Variants in DRC7 observed in about 807,000 individuals in gnomAD.
DRC7 encodes the protein dynein regulatory complex subunit 7.
In DRC7, 80 loss-of-function variants were observed where a neutral mutation model predicts 104.4. The ratio of observed to expected loss-of-function variants is 0.77; its 90% CI spans 0.64 to 0.92. DRC7 has a LOEUF of 0.92. Ranked by LOEUF, DRC7 falls within the 40% of genes least tolerant of loss-of-function variation. The probability of loss-of-function intolerance (pLI) is 0.00; values close to 1 mark genes in which losing one functional copy is unlikely to be tolerated. For synonymous variants in DRC7, 405 were observed against 447.3 expected (o/e 0.91, Z 1.19); for missense variants, 1,034 against 1,141.1 (o/e 0.91, Z 1.35).
In DRC7 at chr16:57,697,914, G is replaced by C. The variant is rs1308668933; in HGVS notation, c.-36G>C. 11 of 1,600,614 alleles carry C rather than the reference G, an allele frequency of 6.9e-6. No homozygotes were observed. The highest frequency in any genetic ancestry group is 9.4e-6 in the Non-Finnish European group (11 of 1,173,312). On this transcript the variant is annotated splice_region_variant and 5_prime_UTR_variant, in exon 3 of 19. Transcript: ENST00000360716. ...GAGTATACTTACCCTTCCCCACAGAGACATTCCATCTCCAGACACCCAGAG... is the reference window on the plus strand; with the variant it reads ...GAGTATACTTACCCTTCCCCACAGACACATTCCATCTCCAGACACCCAGAG...
chr16:57,705,410 AATCC>A (rs1280801620), intron 7 of DRC7, among the ~76,000 whole-genome samples: 5 of 108,150 alleles, frequency 4.6e-5, no homozygotes, highest in Admixed American at 2.7e-4. Context: ...CCCATTCGCC[AATCC>A]ATCCATCCAT....
chr16:57,722,008 G>T (rs1779679880), intron 10 of DRC7, among the ~76,000 whole-genome samples: 2 of 152,188 alleles, frequency 1.3e-5, no homozygotes, highest in African/African-American at 4.8e-5. Context: ...GTAGGTGACA[G>T]CAAGGCCTGG....
chr16:57,724,913 T>A, intron 13 of DRC7, 78 bp downstream of exon 13: 1 of 1,199,652 alleles, frequency 8.3e-7, no homozygotes, highest in Non-Finnish European at 1.2e-6. Context: ...GTGAGAGCCC[T>A]GGCTCTGGGG....
At position 57,731,017 on chromosome 16, in the gene DRC7, T is replaced by G; in HGVS notation, c.2478T>G (p.Ser826Arg). ...LTPEDEDLYLSYCSQAMFRIR... is the reference protein window; with the variant it reads ...LTPEDEDLYLRYCSQAMFRIR... Reference sequence around the variant, plus strand: ...CCGAGGATGAAGACCTGTACCTGAGTTACTGCTCTCAGGCCATGTTCCGCA... The same window carrying G: ...CCGAGGATGAAGACCTGTACCTGAGGTACTGCTCTCAGGCCATGTTCCGCA... The change falls in exon 18 of 19, where the codon AGT (serine) becomes AGG (arginine). Residue 826 changes from serine (S) to arginine (R), a missense_variant. Ser to Arg is a moderately radical substitution (Grantham distance 110). Transcript: ENST00000360716. The G allele has an allele frequency of 6.2e-7, 1 of 1,613,596 alleles. No individual in the cohort carries two copies. The highest frequency in any genetic ancestry group is 8.5e-7 in the Non-Finnish European group (1 of 1,179,936).
intron 7 of DRC7, 124 bp downstream of exon 7, chr16:57,705,158 A>G (rs2048699053): frequency 9.0e-7 from 1 of 1,108,152 alleles, no homozygotes; most frequent in Admixed American, 2.8e-5. Context: ...CCACCTCACA[A>G]TCACCCCCAA....
chr16:57,705,057 C>T, intron 7 of DRC7, 23 bp downstream of exon 7: 1 of 1,607,336 alleles, frequency 6.2e-7, no homozygotes, highest in Non-Finnish European at 8.5e-7. Context: ...CCCTGAATCC[C>T]CTGGGCTCAG....
chr16:57,699,211 T>C (rs2048631573), intron 4 of DRC7, among the ~76,000 whole-genome samples, 187 bp downstream of exon 4: 1 of 152,136 alleles, frequency 6.6e-6, no homozygotes, highest in Admixed American at 6.5e-5. Flanking sequence ...CAGTGCAGAT[T>C]ACCCTGGAGG....
intron 9 of DRC7, 62 bp downstream of exon 9, chr16:57,718,537 G>T: frequency 6.3e-7 from 1 of 1,593,200 alleles, no homozygotes; most frequent in African/African-American, 1.3e-5. Flanking sequence ...AGCCTGACAA[G>T]TGTCCCCAGC....
In DRC7 at chr16:57,731,063, C is replaced by T. The variant is rs974909368; in HGVS notation, c.2524C>T (p.Leu842Phe). The change falls in exon 18 of 19, where the codon CTC becomes TTC. Residue 842 changes from leucine (L) to phenylalanine (F), a missense_variant. By Grantham distance (22) the Leu-to-Phe change is conservative. Coordinates refer to ENST00000360716, the MANE Select transcript of DRC7 (RefSeq NM_001289162.2). ...MFRIRILEQR[L>F]NRHKELAPLK... Reference sequence around the variant, plus strand: ...CCGCATCCGCATCCTGGAGCAGCGCCTCAATCGGTGAGCAGGCAGGGCAGG... The same window carrying T: ...CCGCATCCGCATCCTGGAGCAGCGCTTCAATCGGTGAGCAGGCAGGGCAGG... 1.9e-6 allele frequency: 3 copies of T among 1,613,768 alleles called. No individual in the cohort carries two copies. Among genetic ancestry groups the T allele is most frequent in the South Asian group, 1.1e-5 (1 of 91,088 alleles).
At chr16:57,727,278 C>T (rs1486044460) in intron 15 of DRC7, 21 bp from the exon 16 acceptor site, 1 of 1,603,954 alleles carries the variant, frequency 6.2e-7, no homozygotes, top group Non-Finnish European at 8.5e-7. Context: ...CCATCACGCC[C>T]TCCAACACTT....
At chr16:57,714,848 A>G (rs2048825052) in intron 8 of DRC7, 2 of 341,496 alleles carry the variant, frequency 5.9e-6, no homozygotes, top group Non-Finnish European at 1.2e-5. Flanking sequence ...ACTTGCATAC[A>G]TTGCTGGTGC....
At position 57,707,465 on chromosome 16, in the gene DRC7, G is replaced by T. The variant is rs367969273; in HGVS notation, c.864G>T (p.Ala288=). The change falls in exon 8 of 19, where the codon GCG becomes GCT. Residue 288 remains alanine, a synonymous_variant. Coordinates refer to ENST00000360716, the MANE Select transcript of DRC7 (RefSeq NM_001289162.2). The part of the protein sequence containing the change: ...LREEEERLME[A]EKAKPDALHG... ...CACCCACCTTTCCTTGGCAGGAAGC[G>T]GAGAAGGCAAAGCCGGATGCCCTGC... The T allele has an allele frequency of 1.2e-6, 2 of 1,611,280 alleles. No homozygotes were observed. Among genetic ancestry groups the T allele is most frequent in the African/African-American group, 2.7e-5 (2 of 74,924 alleles).
At chr16:57,718,551 A>C in intron 9 of DRC7, 76 bp downstream of exon 9, 1 of 1,562,306 alleles carries the variant, frequency 6.4e-7, no homozygotes, top group Non-Finnish European at 8.7e-7. Context: ...CCCCAGCAGC[A>C]TATGTGTGGC....
Position 57,698,985 on chromosome 16 carries a change from G to GC in DRC7, c.343dup (p.Leu115ProfsTer10), listed in dbSNP as rs2048628625. ...ACAGCCATCTGTGCCCGGACCGCGT[G>GC]CCCCTCTTCCTGCACCCCCTGAACG... On this transcript the variant is annotated frameshift_variant, in exon 4 of 19. Coordinates refer to ENST00000360716, the MANE Select transcript of DRC7 (RefSeq NM_001289162.2). LOFTEE classifies it high-confidence loss of function. 1 of 1,614,064 alleles carries GC rather than the reference G, an allele frequency of 6.2e-7. No homozygotes were observed. Among genetic ancestry groups the GC allele is most frequent in the Admixed American group, 1.7e-5 (1 of 60,006 alleles).
At position 57,699,047 on chromosome 16, in the gene DRC7, A is replaced by T. The variant is rs528970636; in HGVS notation, c.378+23A>T. The T allele has an allele frequency of 3.0e-5, 49 of 1,609,182 alleles. No individual in the cohort carries two copies. In the South Asian group the frequency reaches 5.3e-4, roughly 17 times the overall value. ...CCCGTAAGGCTGGCATGTTGAGGGC[A>T]GGGCTGGGGAGCCTGGGGCTGGAGA... On this transcript the variant is annotated intron_variant, in intron 4 of 18. Coordinates refer to ENST00000360716, the MANE Select transcript of DRC7 (RefSeq NM_001289162.2).
intron 7 of DRC7, among the ~76,000 whole-genome samples, chr16:57,706,429 C>G (rs1317665091): frequency 7.2e-6 from 1 of 138,284 alleles, no homozygotes; most frequent in African/African-American, 2.8e-5. Flanking sequence ...CACTCATCCT[C>G]CCATCCATCC....
intron 8 of DRC7, chr16:57,714,816 T>G: frequency 2.8e-6 from 1 of 353,206 alleles, no homozygotes; most frequent in Non-Finnish European, 5.5e-6. Flanking sequence ...GTGGACCCCC[T>G]TCTTCCTTCC....
At chr16:57,703,125 C>T (rs545778527) in intron 6 of DRC7, among the ~76,000 whole-genome samples, 6 of 151,602 alleles carry the variant, frequency 4.0e-5, no homozygotes, top group East Asian at 1.9e-4. Context: ...GCAATCCTCC[C>T]GCCTCAGCCT....
intron 8 of DRC7, among the ~76,000 whole-genome samples, chr16:57,709,807 T>G (rs2048774629): frequency 6.6e-6 from 1 of 152,216 alleles, no homozygotes; most frequent in South Asian, 2.1e-4. Context: ...TCTTCCTTTG[T>G]TGACCAGGCT....
Sources: gnomAD v4.1 joint callset for allele counts (sites outside exome capture counted in the v4.1 genomes callset) on GRCh38, gnomAD v4.1.1 for gene constraint, MANE v1.5 for transcripts, NCBI Gene and HGNC (gene_info 2026-07-23, HGNC 2026-07-21) for gene names.